MYBPC1: variants seen among roughly 807,000 people sequenced by gnomAD.
MYBPC1 encodes the protein myosin-binding protein C, slow-type.
Under a neutral mutation model 147.1 loss-of-function variants are expected in MYBPC1, and 52 were observed. That is an observed-to-expected ratio of 0.35 (90% CI 0.28 to 0.45). The LOEUF (loss-of-function observed/expected upper bound fraction) is 0.45, where lower values mean the gene tolerates loss of function less well. Among genes scored for constraint, MYBPC1 ranks in the 20% least tolerant of loss-of-function variants. MYBPC1 has a pLI of 1.00. For missense variants in MYBPC1, 1,228 were observed against 1,440.3 expected (o/e 0.85, Z 2.39); for synonymous variants, 477 against 475.9 (o/e 1.00, Z -0.03).
At chr12:101,634,444 C>T (rs181488415) in intron 8 of MYBPC1, 110 bp from the exon 9 acceptor site, 2 of 880,552 alleles carry the variant, frequency 2.3e-6, no homozygotes, top group Non-Finnish European at 3.8e-6. Context: ...AAGCCTCCCC[C>T]CTTCACCTGA....
intron 1 of MYBPC1, among the ~76,000 whole-genome samples, chr12:101,609,147 G>T (rs1355946732): frequency 2.6e-5 from 4 of 152,016 alleles, no homozygotes; most frequent in African/African-American, 4.8e-5. Flanking sequence ...AACCCTTTAG[G>T]GTTCCCACTC....
chr12:101,652,969 TGCCAGGCACCAACTATCTTGAC>T, intron 17 of MYBPC1, 124 bp from the exon 18 acceptor site: 1 of 1,214,336 alleles, frequency 8.2e-7, no homozygotes, highest in Middle Eastern at 2.4e-4. Flanking sequence ...TTTTGCAAGG[TGCCAGGCACCAACTATCTTGAC>T]TCCTCTTATA....
chr12:101,688,953 C>CAAAA (rs748533294), downstream of MYBPC1, among the ~76,000 whole-genome samples: 2 of 68,262 alleles, frequency 2.9e-5, no homozygotes, highest in Non-Finnish European at 7.0e-5. Context: ...GACCGTATCT[C>CAAAA]AAAAAAAAAA....
At chr12:101,615,678 CCCA>C (rs1885798074) in intron 2 of MYBPC1, among the ~76,000 whole-genome samples, 3 of 116,466 alleles carry the variant, frequency 2.6e-5, no homozygotes, top group African/African-American at 9.2e-5. Flanking sequence ...CCCCCGCCCC[CCCA>C]CACCAAGCAG....
chr12:101,635,189 G>T (rs938817059), intron 9 of MYBPC1, among the ~76,000 whole-genome samples: 3 of 152,224 alleles, frequency 2.0e-5, no homozygotes, highest in South Asian at 2.1e-4. Context: ...AAAAATGGAG[G>T]GGGGGCGGTC....
chr12:101,679,164 A>G (rs76096638), intron 28 of MYBPC1, among the ~76,000 whole-genome samples: 2 of 148,352 alleles, frequency 1.3e-5, no homozygotes, highest in African/African-American at 2.5e-5. Flanking sequence ...AAAAAAAAAA[A>G]GGAAAATCAA....
rs1417519651 is a variant in MYBPC1, at chr12:101,595,081, C to G, written c.11C>G (p.Pro4Arg). The part of the protein sequence containing the change: MPE[P>R]TKKEENEVPA... ...CATCTTATTGTGGCCATGCCAGAAC[C>G]CACTAAGAAAGAGGGTAAGACTTAT... Residue 4 changes from proline (P) to arginine (R), a missense_variant, in exon 1 of 32, where the codon CCC (proline) becomes CGC (arginine). Transcript: ENST00000361466. 1.9e-6 allele frequency: 3 copies of G among 1,612,592 alleles called. No individual in the cohort carries two copies. Among genetic ancestry groups the G allele is most frequent in the East Asian group, 2.2e-5 (1 of 44,786 alleles).
At chr12:101,612,151 T>G (rs143065187) in intron 1 of MYBPC1, among the ~76,000 whole-genome samples, 2,423 of 151,780 alleles carry the variant, frequency 0.016, 29 homozygotes, top group Non-Finnish European at 0.024. Flanking sequence ...AGGATAAAGA[T>G]TGCCAAATGA....
chr12:101,617,166 G>C (rs770859278), intron 2 of MYBPC1, 36 bp from the exon 3 acceptor site: 3 of 1,609,906 alleles, frequency 1.9e-6, no homozygotes, highest in African/African-American at 1.3e-5. Context: ...AATGCTTTAA[G>C]GCACTTTAAA....
rs200111933 is a variant in MYBPC1, at chr12:101,661,176, T to C, written c.1946T>C (p.Val649Ala). 298 of 1,613,518 alleles carry C rather than the reference T, an allele frequency of 1.8e-4. 1 individual carries two copies. The highest frequency in any genetic ancestry group is 3.8e-4 in the Admixed American group (23 of 59,996). ...GCCACAGACTTCCCTGATCCTCCAG[T>C]GGCACCGACTGTGACAGAGGTGGGA... ...VKVVDFPDPP[V>A]APTVTEVGDD... is the part of the protein sequence containing the mutation. Residue 649 changes from valine (V) to alanine (A), a missense_variant, in exon 20 of 32, where the codon GTG becomes GCG. Physicochemically the swap from Val to Ala is moderately conservative, Grantham distance 64. Coordinates refer to ENST00000361466, the MANE Select transcript of MYBPC1 (RefSeq NM_002465.4).
chr12:101,642,991 G>C (rs1056313082), intron 11 of MYBPC1, among the ~76,000 whole-genome samples: 1 of 152,064 alleles, frequency 6.6e-6, no homozygotes, highest in Non-Finnish European at 1.5e-5. Context: ...AAAATGTTTT[G>C]TAAAACCAAT....
intron 3 of MYBPC1, among the ~76,000 whole-genome samples, chr12:101,621,047 G>C (rs1013512436): frequency 7.2e-5 from 11 of 152,052 alleles, no homozygotes; most frequent in African/African-American, 2.7e-4. Context: ...TGAATTATGT[G>C]ATTTTGTTTT....
rs533532957 is a variant in MYBPC1, at chr12:101,607,726, A to G, written c.26-6770A>G. Among the ~76,000 whole-genome samples, 9 of 152,342 alleles carry G rather than the reference A, an allele frequency of 5.9e-5. No homozygotes were observed. In the East Asian group the frequency reaches 1.7e-3, roughly 29 times the overall value. On this transcript the variant is annotated intron_variant, in intron 1 of 31. Transcript: ENST00000361466. ...TATATAAGGGCCCATAAGATAGTTA[A>G]GTAGGTCAAATAATGTAATATTTGA...
intron 10 of MYBPC1, among the ~76,000 whole-genome samples, chr12:101,637,369 A>G (rs1033824363): frequency 3.9e-5 from 6 of 152,180 alleles, no homozygotes; most frequent in African/African-American, 1.4e-4. Flanking sequence ...ATAGGATTTC[A>G]TTATGGATAC....
intron 22 of MYBPC1, 79 bp downstream of exon 22, chr12:101,663,639 T>C (rs1449562106): frequency 3.4e-6 from 5 of 1,483,752 alleles, no homozygotes; most frequent in East Asian, 2.4e-5. Context: ...TGTCTCTCTT[T>C]CTTGAGAACG....
chr12:101,621,890 G>A (rs535902326), intron 3 of MYBPC1, among the ~76,000 whole-genome samples: 1 of 152,122 alleles, frequency 6.6e-6, no homozygotes, highest in South Asian at 2.1e-4. Context: ...ATATAAGACT[G>A]GGTTCTTTCC....
At chr12:101,656,865 T>C (rs1458101994) in intron 18 of MYBPC1, among the ~76,000 whole-genome samples, 2 of 152,196 alleles carry the variant, frequency 1.3e-5, no homozygotes, top group Non-Finnish European at 1.5e-5. Flanking sequence ...ATAACATCTA[T>C]AGATTACTTC....
chr12:101,598,243 C>G (rs1454529564), intron 1 of MYBPC1, among the ~76,000 whole-genome samples: 1 of 152,152 alleles, frequency 6.6e-6, no homozygotes, highest in Non-Finnish European at 1.5e-5. Context: ...TGGTCTCGAA[C>G]CGCTGACCTC....
chr12:101,650,990 C>T, intron 15 of MYBPC1: 1 of 498,396 alleles, frequency 2.0e-6, no homozygotes, highest in Non-Finnish European at 3.6e-6. Flanking sequence ...AGATTTTGTG[C>T]ATTCCTTGCT....
Sources: allele counts gnomAD v4.1 joint callset (sites outside exome capture counted in the v4.1 genomes callset), GRCh38; gene constraint gnomAD v4.1.1; transcripts MANE v1.5; gene names NCBI Gene and HGNC (gene_info 2026-07-23, HGNC 2026-07-21).